The following CGNL1 variants were observed in gnomAD, a reference collection of about 807,000 sequenced individuals.
CGNL1 encodes cingulin like 1.
In CGNL1, 132 loss-of-function variants were observed where a neutral mutation model predicts 141.2. The observed-to-expected ratio is 0.93, with a 90% CI of 0.81 to 1.08. The LOEUF is 1.08. Ranked by LOEUF, CGNL1 falls within the 50% of genes least tolerant of loss-of-function variation. The pLI is 0.00. For missense variants in CGNL1, 1,870 were observed against 1,588.6 expected (o/e 1.18, Z -3.01); for synonymous variants, 690 against 622.1 (o/e 1.11, Z -1.63).
chr15:57,544,938 C>T (rs541680779), intron 16 of CGNL1, among the ~76,000 whole-genome samples: 14 of 152,284 alleles, frequency 9.2e-5, no homozygotes, highest in Middle Eastern at 3.4e-3. Context: ...GTTTGAGCCA[C>T]GTTAGAGGCC....
intron 14 of CGNL1, among the ~76,000 whole-genome samples, chr15:57,534,323 C>G (rs142566541): frequency 1.3e-5 from 2 of 152,284 alleles, no homozygotes; most frequent in East Asian, 3.9e-4. Flanking sequence ...TTCACATGGA[C>G]GTAGGAATTG....
intron 8 of CGNL1, among the ~76,000 whole-genome samples, chr15:57,489,269 T>C (rs188206745): frequency 1.3e-5 from 2 of 152,284 alleles, no homozygotes; most frequent in East Asian, 3.9e-4. Flanking sequence ...GGAAATAACA[T>C]GTAGGAAAGA....
chr15:57,545,470 G>T, intron 16 of CGNL1, 122 bp from the exon 17 acceptor site: 1 of 735,060 alleles, frequency 1.4e-6, no homozygotes, highest in Non-Finnish European at 2.2e-6. Flanking sequence ...GTGTTTCCCT[G>T]ACCCTAAGCC....
chr15:57,472,325 G>T (rs1443204585), intron 8 of CGNL1, among the ~76,000 whole-genome samples: 1 of 152,162 alleles, frequency 6.6e-6, no homozygotes, highest in Non-Finnish European at 1.5e-5. Context: ...GCTGTGAAGG[G>T]TGGTTGAAAG....
Position 57,521,879 on chromosome 15 carries a change from C to CT in CGNL1, c.2716-1609dup, listed in dbSNP as rs537989620. Among the ~76,000 whole-genome samples the CT allele has an allele frequency of 8.1e-4, 123 of 152,130 alleles. No individual in the cohort carries two copies. The East Asian group carries it at 8.1e-3, about 10-fold the overall frequency. On this transcript the variant is annotated intron_variant, in intron 10 of 18. Coordinates refer to ENST00000281282, the MANE Select transcript of CGNL1 (RefSeq NM_032866.5). ...TTTGGGGAGGGGGTTGAGTTGGATC[C>CT]TGAAGGTTCTACAGGAAGCCATTGG...
chr15:57,514,209 T>C (rs1291740891), intron 8 of CGNL1, among the ~76,000 whole-genome samples: 1 of 152,172 alleles, frequency 6.6e-6, no homozygotes, highest in Non-Finnish European at 1.5e-5. Flanking sequence ...TGGAGTGCAG[T>C]GGTCCCATCT....
chr15:57,456,850 T>C (rs926315830), intron 7 of CGNL1, among the ~76,000 whole-genome samples: 7 of 152,250 alleles, frequency 4.6e-5, no homozygotes, highest in African/African-American at 1.4e-4. Flanking sequence ...TTGTGGTGTT[T>C]TATCCCTGGC....
At chr15:57,481,861 CCATTTTGCA>C (rs751020824) in intron 8 of CGNL1, among the ~76,000 whole-genome samples, 1 of 152,142 alleles carries the variant, frequency 6.6e-6, no homozygotes, top group Non-Finnish European at 1.5e-5. Context: ...AATGGCTGCA[CCATTTTGCA>C]TTCCCAACAG....
intron 8 of CGNL1, among the ~76,000 whole-genome samples, chr15:57,481,819 G>C (rs1418009109): frequency 6.6e-6 from 1 of 152,026 alleles, no homozygotes; most frequent in Non-Finnish European, 1.5e-5. Flanking sequence ...TACATGTTTA[G>C]CTTTTAAAGA....
At chr15:57,474,507 G>T (rs1043176557) in intron 8 of CGNL1, among the ~76,000 whole-genome samples, 1 of 152,056 alleles carries the variant, frequency 6.6e-6, no homozygotes, top group Non-Finnish European at 1.5e-5. Flanking sequence ...TCAGTACTTT[G>T]CAGAATGCCC....
At chr15:57,520,142 A>C (rs1381640206) in intron 10 of CGNL1, among the ~76,000 whole-genome samples, 1 of 152,210 alleles carries the variant, frequency 6.6e-6, no homozygotes, top group African/African-American at 2.4e-5. Context: ...CTGGCAGTGC[A>C]GCTGGCAAGA....
chr15:57,457,853 G>A (rs1369046980), intron 7 of CGNL1, among the ~76,000 whole-genome samples: 5 of 152,096 alleles, frequency 3.3e-5, no homozygotes, highest in African/African-American at 9.7e-5. Flanking sequence ...GGGTGGGGAC[G>A]CAGCCAAACC....
At chr15:57,442,204 G>GAAAAAAAAAT (rs2063198126) in intron 3 of CGNL1, among the ~76,000 whole-genome samples, 169 bp from the exon 4 acceptor site, 1 of 50,974 alleles carries the variant, frequency 2.0e-5, no homozygotes, top group East Asian at 6.8e-4. Context: ...AAAAAAAAAA[G>GAAAAAAAAAT]ACACCATCCA....
chr15:57,532,367 A>G (rs1372002971), intron 14 of CGNL1, among the ~76,000 whole-genome samples: 2 of 152,232 alleles, frequency 1.3e-5, no homozygotes, highest in African/African-American at 2.4e-5. Flanking sequence ...ACTAGTTAAC[A>G]GTACCTCTGT....
At chr15:57,421,160 A>G (rs2062910515) in intron 1 of CGNL1, among the ~76,000 whole-genome samples, 1 of 152,200 alleles carries the variant, frequency 6.6e-6, no homozygotes. Context: ...GAACATAGCA[A>G]GAAGACAGCT....
intron 9 of CGNL1, among the ~76,000 whole-genome samples, chr15:57,518,093 C>T (rs983608297): frequency 6.6e-6 from 1 of 151,922 alleles, no homozygotes. Context: ...ATCACTTGAG[C>T]CCAGGAGTTC....
rs750599979 is a variant in CGNL1 at position 57,438,533 on chromosome 15, G to A, written c.534G>A (p.Leu178=). 1.2e-6 allele frequency: 2 copies of A among 1,613,950 alleles called. No individual in the cohort carries two copies. The highest frequency in any genetic ancestry group is 3.3e-5 in the Admixed American group (2 of 60,018). ...CTGAGAGTAATTGGCTAAAAACGTT[G>A]ACAGAAGAAGGCATCAACAATAAGA... The part of the protein sequence containing the change: ...QPSESNWLKT[L]TEEGINNKKP... Residue 178 remains leucine (L), a synonymous_variant, in exon 2 of 19, where the codon TTG becomes TTA. Transcript: ENST00000281282.
intron 1 of CGNL1, among the ~76,000 whole-genome samples, chr15:57,389,347 A>G (rs2062517767): frequency 6.6e-6 from 1 of 152,250 alleles, no homozygotes; most frequent in African/African-American, 2.4e-5. Flanking sequence ...CTTTTAAGTG[A>G]ATAGTACATT....
At chr15:57,442,838 C>G (rs574230078) in intron 4 of CGNL1, among the ~76,000 whole-genome samples, 1 of 152,148 alleles carries the variant, frequency 6.6e-6, no homozygotes, top group Non-Finnish European at 1.5e-5. Flanking sequence ...AGGCTGGTCT[C>G]GAACGTCTGG....
Sources: gnomAD v4.1 joint callset for allele counts (sites outside exome capture counted in the v4.1 genomes callset) on GRCh38, gnomAD v4.1.1 for gene constraint, MANE v1.5 for transcripts, NCBI Gene and HGNC (gene_info 2026-07-23, HGNC 2026-07-21) for gene names.